Variants in NRBP1 observed in about 807,000 individuals in gnomAD.
NRBP1 encodes nuclear receptor-binding protein.
Under a neutral mutation model 76.0 loss-of-function variants are expected in NRBP1, and 10 were observed. That is an observed-to-expected ratio of 0.13 (90% CI 0.08 to 0.22). The LOEUF is 0.22. Ranked by LOEUF, NRBP1 falls within the 10% of genes least tolerant of loss-of-function variation. The pLI is 1.00. For missense variants in NRBP1, 344 were observed against 646.0 expected (o/e 0.53, Z 5.07); for synonymous variants, 235 against 240.2 (o/e 0.98, Z 0.20).
chr2:27,434,935 A>G (rs910881426), intron 6 of NRBP1, 173 bp downstream of exon 6: 3 of 690,970 alleles, frequency 4.3e-6, no homozygotes, highest in Non-Finnish European at 7.7e-6. Context: ...TAATGCCCTA[A>G]CCACGACACT....
chr2:27,428,291 G>A (rs537847558), upstream of NRBP1: 1 of 186,498 alleles, frequency 5.4e-6, no homozygotes, highest in African/African-American at 2.3e-5. Flanking sequence ...CTGAGGCTAT[G>A]TCTTTCGCTC....
In NRBP1 at chr2:27,430,274, C is replaced by T. The variant is rs1664053213; in HGVS notation, c.-21+1543C>T. ...TCTTTGGTATTTACTAGACTGTCTT[C>T]TAATAAAAATCTCCTGAGTTGAGTT... On this transcript the variant is annotated intron_variant, in intron 1 of 17. Coordinates refer to ENST00000379852, the MANE Select transcript of NRBP1 (RefSeq NM_013392.4). Among the ~76,000 whole-genome samples the T allele has an allele frequency of 2.0e-5, 3 of 152,076 alleles. No individual in the cohort carries two copies. In the South Asian group the frequency reaches 6.2e-4, roughly 32 times the overall value.
chr2:27,428,491 G>A (rs1044833022), upstream of NRBP1: 1 of 394,750 alleles, frequency 2.5e-6, no homozygotes, highest in Admixed American at 4.4e-5. Flanking sequence ...GCAAGGGGAG[G>A]AGAGCGGGTG....
rs1017109301 is a variant in NRBP1, at chr2:27,441,493, C to T, written c.1448-74C>T. The T allele has an allele frequency of 2.0e-6, 3 of 1,534,270 alleles. No individual in the cohort carries two copies. The African/African-American group carries it at 4.1e-5, about 21-fold the overall frequency. On this transcript the variant is annotated intron_variant, in intron 16 of 17. Transcript: ENST00000379852. Reference sequence around the variant, plus strand: ...GGTGGATCTGACTGACAGTTTAGCCCTAGTGGGGCTGTCTGAAGGGCCCCA... The same window carrying T: ...GGTGGATCTGACTGACAGTTTAGCCTTAGTGGGGCTGTCTGAAGGGCCCCA...
intron 7 of NRBP1, chr2:27,436,081 T>C: frequency 2.2e-6 from 1 of 449,400 alleles, no homozygotes; most frequent in Non-Finnish European, 4.1e-6. Flanking sequence ...GGCCTGGTCC[T>C]GGTTCCTCGT....
intron 8 of NRBP1, 92 bp from the exon 9 acceptor site, chr2:27,436,954 AT>A: frequency 3.4e-6 from 5 of 1,462,452 alleles, no homozygotes; most frequent in Non-Finnish European, 4.7e-6. Context: ...CATACAAAAT[AT>A]TTTTCTTTTC....
chr2:27,429,547 A>G (rs1372359848), intron 1 of NRBP1, among the ~76,000 whole-genome samples: 1 of 152,232 alleles, frequency 6.6e-6, no homozygotes, highest in Non-Finnish European at 1.5e-5. Context: ...CCCTTATGGG[A>G]GTATATGAGC....
At chr2:27,428,762 G>A in intron 1 of NRBP1, 31 bp downstream of exon 1, 1 of 398,246 alleles carries the variant, frequency 2.5e-6, no homozygotes, top group Non-Finnish European at 4.4e-6. Flanking sequence ...GGGCCCGGGA[G>A]GGAGGGGTTC....
chr2:27,434,226 A>T (rs901951032), intron 4 of NRBP1, 136 bp downstream of exon 4: 6 of 783,340 alleles, frequency 7.7e-6, no homozygotes, highest in Non-Finnish European at 1.3e-5. Context: ...TGGCGATAAG[A>T]GTAGGGCTTC....
chr2:27,433,956 A>AC (rs397824808), intron 3 of NRBP1, 33 bp from the exon 4 acceptor site: 2 of 1,488,490 alleles, frequency 1.3e-6, no homozygotes. Flanking sequence ...GTGATTTGTG[A>AC]CTCTGTTATT....
Position 27,441,821 on chromosome 2 carries a change from CG to C in NRBP1, c.*12del. The C allele has an allele frequency of 3.2e-6, 5 of 1,573,576 alleles. No homozygotes were observed. Among genetic ancestry groups the C allele is most frequent in the Non-Finnish European group, 4.4e-6 (5 of 1,145,254 alleles). ...TCACCGTCTCCTCTTAGAGCTCACT[CG>C]GGCCAGGCCCTGATCTGCGCTGTGG... On this transcript the variant is annotated 3_prime_UTR_variant, in exon 18 of 18. Transcript: ENST00000379852.
At chr2:27,429,863 C>T (rs1664035596) in intron 1 of NRBP1, among the ~76,000 whole-genome samples, 1 of 152,180 alleles carries the variant, frequency 6.6e-6, no homozygotes, top group Non-Finnish European at 1.5e-5. Context: ...CTACAGCTTT[C>T]CTGTATTAGA....
chr2:27,437,152 G>A (rs1664339734), intron 9 of NRBP1, 47 bp downstream of exon 9: 1 of 1,596,646 alleles, frequency 6.3e-7, no homozygotes, highest in Non-Finnish European at 8.6e-7. Context: ...ATGAGAAGAT[G>A]GAATTGGGAA....
rs1320223026 is a variant in NRBP1, at chr2:27,433,782, A to G, written c.320A>G (p.Tyr107Cys). The G allele has an allele frequency of 6.2e-7, 1 of 1,614,224 alleles. No individual in the cohort carries two copies. The highest frequency in any genetic ancestry group is 2.2e-5 in the East Asian group (1 of 44,880). The stretch of plus-strand genomic sequence containing the variant: ...GTACAGTTCTCTGAACGCAAGAACT[A>G]CAAGCTGCAGGAGGTAGGTGATGCT... Reference protein sequence around the residue: ...NEVQFSERKNYKLQEEKVRAV... With the variant: ...NEVQFSERKNCKLQEEKVRAV... Residue 107 changes from tyrosine (Y) to cysteine (C), a missense_variant, in exon 3 of 18, where the codon TAC (tyrosine) becomes TGC (cysteine). Around this residue, in one of 3 missense-constraint regions of NRBP1, gnomAD observed 73 missense variants for 287.8 expected, o/e 0.25. Coordinates refer to ENST00000379852, the MANE Select transcript of NRBP1 (RefSeq NM_013392.4).
At chr2:27,437,233 A>G (rs774116477) in intron 9 of NRBP1, 29 bp from the exon 10 acceptor site, 2 of 1,572,854 alleles carry the variant, frequency 1.3e-6, no homozygotes, top group Admixed American at 1.7e-5. Flanking sequence ...TTAGGTGTCT[A>G]CTTTTTTTTT....
chr2:27,433,690 A>T lies in NRBP1; in HGVS notation c.228A>T (p.Val76=), dbSNP rs1228234439. 6.2e-7 allele frequency: 1 copy of T among 1,613,968 alleles called. No individual in the cohort carries two copies. The highest frequency in any genetic ancestry group is 2.2e-5 in the East Asian group (1 of 44,902). ...KRREEVNQRN[V]PGIDSAYLAM... is the part of the protein sequence containing the mutation. ...CTTCTCAGGTGAATCAACGGAATGT[A>T]CCAGGTATTGACAGTGCATACCTGG... The change falls in exon 3 of 18, where the codon GTA becomes GTT. Residue 76 remains valine, a synonymous_variant. Transcript: ENST00000379852.
At chr2:27,428,450 G>T (rs540300362), upstream of NRBP1, 22 of 389,092 alleles carry the variant, frequency 5.7e-5, no homozygotes, top group African/African-American at 3.7e-4. Flanking sequence ...CGAAAACATC[G>T]ACCCCTCCGA....
intron 7 of NRBP1, chr2:27,435,463 A>G: frequency 1.7e-6 from 1 of 604,558 alleles, no homozygotes; most frequent in Non-Finnish European, 2.9e-6. Context: ...AGAGATACTG[A>G]TAAGAGGCTG....
chr2:27,437,718 A>G (rs1304046717), intron 10 of NRBP1, among the ~76,000 whole-genome samples: 2 of 151,772 alleles, frequency 1.3e-5, no homozygotes, highest in Non-Finnish European at 2.9e-5. Context: ...AAAAATACAA[A>G]AAAAATTAGC....
Sources: gnomAD v4.1 joint callset for allele counts (sites outside exome capture counted in the v4.1 genomes callset) on GRCh38, gnomAD v4.1.1 for gene constraint, gnomAD v4.1.1 regional missense constraint, MANE v1.5 for transcripts, NCBI Gene and HGNC (gene_info 2026-07-23, HGNC 2026-07-21) for gene names.